WWOX: variants seen among roughly 807,000 people sequenced by gnomAD.
The protein encoded by WWOX is WW domain-containing oxidoreductase.
Under a neutral mutation model 46.2 loss-of-function variants are expected in WWOX, and 69 were observed. The ratio of observed to expected loss-of-function variants is 1.49; its 90% CI spans 1.23 to 1.82. The LOEUF is 1.82. Ranked by LOEUF, WWOX falls within the 40% of genes most tolerant of loss-of-function variation. WWOX has a pLI of 0.00. For missense variants in WWOX, 919 were observed against 542.6 expected, an observed-to-expected ratio of 1.69 and a Z score of -6.89; for synonymous variants, 359 against 202.6, an observed-to-expected ratio of 1.77 and a Z score of -6.56.
intron 8 of WWOX, among the ~76,000 whole-genome samples, chr16:78,912,451 C>T (rs1010560022): frequency 5.9e-5 from 9 of 151,802 alleles, no homozygotes; most frequent in African/African-American, 1.7e-4. Flanking sequence ...GGGTTTTTGC[C>T]TGCGTCTTCA....
chr16:78,434,022 C>T (rs1047949525), intron 8 of WWOX, among the ~76,000 whole-genome samples: 3 of 152,024 alleles, frequency 2.0e-5, no homozygotes, highest in Non-Finnish European at 4.4e-5. Flanking sequence ...ATCTCCTGAC[C>T]TCGTGATCCG....
At chr16:78,258,477 G>A (rs565298693) in intron 5 of WWOX, among the ~76,000 whole-genome samples, 24 of 152,124 alleles carry the variant, frequency 1.6e-4, no homozygotes, top group African/African-American at 4.3e-4. Flanking sequence ...CGGATGCTAC[G>A]AGGGGTAATC....
intron 5 of WWOX, among the ~76,000 whole-genome samples, chr16:78,230,144 T>C (rs2037206825): frequency 7.0e-6 from 1 of 142,230 alleles, no homozygotes; most frequent in Non-Finnish European, 1.5e-5. Flanking sequence ...CCTCCCAAAG[T>C]GTTGGGATTA....
rs74581607 is a variant in WWOX at position 78,325,491 on chromosome 16, T to C, written c.517-61369T>C. On this transcript the variant is annotated intron_variant, in intron 5 of 8. Transcript: ENST00000566780. ...TTCAGGAAAGAAAAGAAGTGAATTA[T>C]TAGAATGACAAATGAGGCAAAGTTA... Among the ~76,000 whole-genome samples, 758 of 152,320 alleles carry C rather than the reference T, an allele frequency of 5.0e-3. 3 individuals are homozygous for C. Among genetic ancestry groups the C allele is most frequent in the Middle Eastern group, 0.014 (4 of 294 alleles).
chr16:78,148,505 C>T (rs1021824760), intron 4 of WWOX, among the ~76,000 whole-genome samples: 1 of 148,968 alleles, frequency 6.7e-6, no homozygotes, highest in African/African-American at 2.5e-5. Context: ...CTCTAAAAAG[C>T]TCCATTACAT....
At chr16:79,022,209 G>A (rs1389016806) in intron 8 of WWOX, among the ~76,000 whole-genome samples, 1 of 152,160 alleles carries the variant, frequency 6.6e-6, no homozygotes, top group African/African-American at 2.4e-5. Flanking sequence ...TGGGGATGGA[G>A]CTTTAGGCTG....
At chr16:79,115,265 G>T (rs2049492759) in intron 8 of WWOX, among the ~76,000 whole-genome samples, 1 of 152,210 alleles carries the variant, frequency 6.6e-6, no homozygotes, top group South Asian at 2.1e-4. Flanking sequence ...AGCTCATAGG[G>T]ATGCATGTAG....
At chr16:78,261,294 C>T (rs1379700486) in intron 5 of WWOX, among the ~76,000 whole-genome samples, 1 of 150,610 alleles carries the variant, frequency 6.6e-6, no homozygotes, top group Non-Finnish European at 1.5e-5. Context: ...TACATACATA[C>T]ATACATACAT....
At chr16:79,093,279 C>G (rs1353053160) in intron 8 of WWOX, among the ~76,000 whole-genome samples, 1 of 152,188 alleles carries the variant, frequency 6.6e-6, no homozygotes, top group Non-Finnish European at 1.5e-5. Context: ...CACAGAAACA[C>G]TAAATACCTG....
At chr16:79,121,171 C>T (rs545025574) in intron 8 of WWOX, among the ~76,000 whole-genome samples, 2 of 152,118 alleles carry the variant, frequency 1.3e-5, no homozygotes, top group Non-Finnish European at 2.9e-5. Context: ...CTGCGTATAC[C>T]CTGTTTCCAA....
At chr16:79,000,250 C>A (rs983630767) in intron 8 of WWOX, among the ~76,000 whole-genome samples, 3 of 152,170 alleles carry the variant, frequency 2.0e-5, no homozygotes, top group South Asian at 2.1e-4. Context: ...CTGGCAAATT[C>A]TCCTCCTTCC....
intron 5 of WWOX, among the ~76,000 whole-genome samples, chr16:78,276,315 T>G (rs2079577411): frequency 6.6e-6 from 1 of 152,206 alleles, no homozygotes; most frequent in Non-Finnish European, 1.5e-5. Flanking sequence ...AATCAGAGTT[T>G]ATGCAGGGCA....
intron 5 of WWOX, among the ~76,000 whole-genome samples, chr16:78,222,307 A>G (rs1415323481): frequency 6.7e-6 from 1 of 149,158 alleles, no homozygotes; most frequent in African/African-American, 2.5e-5. Context: ...GCTGTGCCTC[A>G]TTAGGGGTGA....
chr16:78,432,800 A>G, intron 8 of WWOX, 48 bp downstream of exon 8: 1 of 1,613,348 alleles, frequency 6.2e-7, no homozygotes, highest in Non-Finnish European at 8.5e-7. Context: ...TCCTAGAGAA[A>G]CCTGCACACT....
chr16:78,462,566 G>A (rs943867491), intron 8 of WWOX, among the ~76,000 whole-genome samples: 2 of 152,286 alleles, frequency 1.3e-5, no homozygotes, highest in East Asian at 3.9e-4. Flanking sequence ...AATGACAGCC[G>A]CCGTGCTGAG....
intron 8 of WWOX, among the ~76,000 whole-genome samples, chr16:78,828,333 A>G (rs1324001922): frequency 6.6e-6 from 1 of 152,132 alleles, no homozygotes; most frequent in Non-Finnish European, 1.5e-5. Flanking sequence ...TGGGGGATGC[A>G]GAATAGGAGG....
chr16:78,529,760 C>A lies in WWOX; in HGVS notation c.1056+97008C>A, dbSNP rs545678905. The stretch of plus-strand genomic sequence containing the variant: ...GGGATTATAGGTGTGAGCCACCATG[C>A]CCAGCCCTCAGAGTGTTTTAAAATG... On this transcript the variant is annotated intron_variant, in intron 8 of 8. Coordinates refer to ENST00000566780, the MANE Select transcript of WWOX (RefSeq NM_016373.4). 1.4e-4 allele frequency among the ~76,000 whole-genome samples: 22 copies of A among 152,270 alleles called. No homozygotes were observed. In the South Asian group the frequency reaches 4.3e-3, roughly 30 times the overall value.
intron 8 of WWOX, among the ~76,000 whole-genome samples, chr16:79,137,542 C>T (rs369189842): frequency 3.3e-4 from 50 of 152,262 alleles, no homozygotes; most frequent in African/African-American, 1.1e-3. Context: ...TGTCCCGAGG[C>T]AACGTTGTGG....
intron 8 of WWOX, among the ~76,000 whole-genome samples, chr16:78,971,436 C>CAGAG (rs71272438): frequency 0.68 from 89,914 of 132,816 alleles, 30,386 homozygotes; most frequent in African/African-American, 0.75. Context: ...GTCTGGGTGA[C>CAGAG]AGACTCTGTG....
Sources: allele counts gnomAD v4.1 joint callset (sites outside exome capture counted in the v4.1 genomes callset), GRCh38; gene constraint gnomAD v4.1.1; transcripts MANE v1.5; gene names NCBI Gene and HGNC (gene_info 2026-07-23, HGNC 2026-07-21).